EPB41L2: variants seen among roughly 807,000 people sequenced by gnomAD.
The protein encoded by EPB41L2 is band 4.1-like protein 2.
In EPB41L2, 43 loss-of-function variants were observed where a neutral mutation model predicts 113.0. The ratio of observed to expected loss-of-function variants is 0.38; its 90% confidence interval spans 0.30 to 0.49. The LOEUF (loss-of-function observed/expected upper bound fraction) is 0.49. Among genes scored for constraint, EPB41L2 ranks in the 20% least tolerant of loss-of-function variants. The probability of loss-of-function intolerance (pLI) is 0.95; values close to 1 mark genes in which losing one functional copy is unlikely to be tolerated. For missense variants in EPB41L2, 1,147 were observed against 1,223.4 expected, an observed-to-expected ratio of 0.94 and a Z score of 0.93; for synonymous variants, 442 against 436.7, an observed-to-expected ratio of 1.01 and a Z score of -0.15.
At chr6:130,910,063 A>C (rs1371556841) in intron 4 of EPB41L2, among the ~76,000 whole-genome samples, 1 of 152,266 alleles carries the variant, frequency 6.6e-6, no homozygotes, top group East Asian at 1.9e-4. Context: ...AGGAGCCCAT[A>C]TAGCCAAGAC....
intron 1 of EPB41L2, among the ~76,000 whole-genome samples, chr6:131,046,953 C>T (rs1007866127): frequency 5.3e-5 from 8 of 152,062 alleles, no homozygotes; most frequent in Non-Finnish European, 1.2e-4. Flanking sequence ...CGGGGTTTGA[C>T]GTCGTTTACA....
At chr6:131,036,930 G>T (rs1793442424) in intron 1 of EPB41L2, among the ~76,000 whole-genome samples, 1 of 152,204 alleles carries the variant, frequency 6.6e-6, no homozygotes, top group Non-Finnish European at 1.5e-5. Flanking sequence ...AGAGGGGCAG[G>T]AAAGAGGTAT....
chr6:130,860,170 A>C (rs1056524922), intron 18 of EPB41L2, among the ~76,000 whole-genome samples: 1 of 152,254 alleles, frequency 6.6e-6, no homozygotes, highest in Non-Finnish European at 1.5e-5. Flanking sequence ...CACTGGGAAA[A>C]GTCAAAGACA....
At chr6:130,855,019 C>T (rs921929754) in intron 19 of EPB41L2, among the ~76,000 whole-genome samples, 2 of 151,952 alleles carry the variant, frequency 1.3e-5, no homozygotes, top group African/African-American at 4.8e-5. Flanking sequence ...GCCTGGGAGA[C>T]AGAGGGATAC....
At chr6:131,020,825 T>C (rs1187367625) in intron 1 of EPB41L2, among the ~76,000 whole-genome samples, 1 of 152,194 alleles carries the variant, frequency 6.6e-6, no homozygotes, top group Non-Finnish European at 1.5e-5. Context: ...AGTCTTGTTC[T>C]GTCACCCAGG....
At chr6:130,860,336 C>T (rs1177305054) in intron 18 of EPB41L2, among the ~76,000 whole-genome samples, 1 of 152,208 alleles carries the variant, frequency 6.6e-6, no homozygotes, top group Non-Finnish European at 1.5e-5. Context: ...ATGAAATACA[C>T]TCTAATTCAC....
intron 1 of EPB41L2, among the ~76,000 whole-genome samples, chr6:131,043,101 C>T (rs976433936): frequency 6.6e-6 from 1 of 152,012 alleles, no homozygotes; most frequent in Non-Finnish European, 1.5e-5. Flanking sequence ...GAGTTCAAGA[C>T]CAGCCTGGTA....
At chr6:131,003,164 G>A (rs1038398703) in intron 1 of EPB41L2, among the ~76,000 whole-genome samples, 1 of 152,072 alleles carries the variant, frequency 6.6e-6, no homozygotes, top group Non-Finnish European at 1.5e-5. Flanking sequence ...GCACTGCAAA[G>A]AGTACACAAA....
chr6:131,062,518 C>G (rs1184091868), intron 1 of EPB41L2: 3 of 151,710 alleles, frequency 2.0e-5, no homozygotes, highest in African/African-American at 7.2e-5. Flanking sequence ...CCAGACGGCG[C>G]AGGCGGCAGC....
chr6:130,900,854 G>GA, intron 7 of EPB41L2, 108 bp downstream of exon 7: 3 of 1,348,298 alleles, frequency 2.2e-6, no homozygotes, highest in South Asian at 1.3e-5. Context: ...ACTCCAAAAG[G>GA]AAAAATTGGA....
intron 11 of EPB41L2, among the ~76,000 whole-genome samples, chr6:130,886,312 C>G (rs1360773590): frequency 6.6e-6 from 1 of 152,130 alleles, no homozygotes; most frequent in African/African-American, 2.4e-5. Flanking sequence ...CCTGCCCTGT[C>G]CAAAACTTAA....
At chr6:130,898,397 G>A (rs1795277201) in intron 8 of EPB41L2, among the ~76,000 whole-genome samples, 5 of 152,078 alleles carry the variant, frequency 3.3e-5, no homozygotes, top group Admixed American at 3.3e-4. Flanking sequence ...TATAATCTGG[G>A]CTTCTAAACA....
chr6:131,010,036 G>A (rs1449683721), intron 1 of EPB41L2, among the ~76,000 whole-genome samples: 7 of 152,166 alleles, frequency 4.6e-5, no homozygotes, highest in Admixed American at 3.3e-4. Flanking sequence ...TGGGCCTTTC[G>A]CTGAAAGAAA....
At chr6:131,052,529 C>T (rs896130892) in intron 1 of EPB41L2, among the ~76,000 whole-genome samples, 2 of 152,168 alleles carry the variant, frequency 1.3e-5, no homozygotes, top group Non-Finnish European at 2.9e-5. Context: ...TAGTTTAAAG[C>T]TGAACCAAGG....
In EPB41L2 at chr6:130,878,110, T is replaced by G. The variant is rs146742944; in HGVS notation, c.2037A>C (p.Thr679=). 1.9e-6 allele frequency: 3 copies of G among 1,608,052 alleles called. No individual in the cohort carries two copies. The African/African-American group carries it at 4.0e-5, about 22-fold the overall frequency. Reference sequence around the variant, plus strand: ...CAAATAGCTAATGACATACCCCTTGTGTCTGTAGGGACAGAGGTGTGATAC... The same window carrying G: ...CAAATAGCTAATGACATACCCCTTGGGTCTGTAGGGACAGAGGTGTGATAC... ...KRRITPLSLQ[T]QGSSHETLNI... Residue 679 remains threonine, a synonymous_variant, in exon 14 of 20, where the codon ACA becomes ACC. Coordinates refer to ENST00000337057, the MANE Select transcript of EPB41L2 (RefSeq NM_001431.4).
At chr6:130,895,331 G>A (rs1794311581) in intron 8 of EPB41L2, among the ~76,000 whole-genome samples, 1 of 152,178 alleles carries the variant, frequency 6.6e-6, no homozygotes, top group Admixed American at 6.5e-5. Context: ...GTGATTTGCC[G>A]AAGAGTTACG....
intron 1 of EPB41L2, among the ~76,000 whole-genome samples, chr6:131,002,864 T>C (rs1457363584): frequency 6.6e-6 from 1 of 152,222 alleles, no homozygotes; most frequent in African/African-American, 2.4e-5. Context: ...GTTAGATGGA[T>C]TTAACCCTCG....
At chr6:131,036,512 A>T (rs1018462971) in intron 1 of EPB41L2, among the ~76,000 whole-genome samples, 11 of 152,210 alleles carry the variant, frequency 7.2e-5, no homozygotes, top group Non-Finnish European at 1.5e-4. Flanking sequence ...ACCAAGGAGA[A>T]ATCAAACGAA....
chr6:131,062,656 T>C (rs1010932145), intron 1 of EPB41L2: 5 of 151,300 alleles, frequency 3.3e-5, no homozygotes, highest in Non-Finnish European at 4.4e-5. Context: ...CCTAAAACCT[T>C]CCTCCTGAAG....
Sources: allele counts gnomAD v4.1 joint callset (sites outside exome capture counted in the v4.1 genomes callset), GRCh38; gene constraint gnomAD v4.1.1; transcripts MANE v1.5; gene names NCBI Gene and HGNC (gene_info 2026-07-23, HGNC 2026-07-21).